Variants in ITPKC observed in about 807,000 individuals in gnomAD.
ITPKC encodes IP3 3-kinase C.
A neutral mutation model predicts 67.1 loss-of-function variants in ITPKC; 33 were observed. That is an observed-to-expected ratio of 0.49 (90% CI 0.37 to 0.66). The LOEUF is 0.66. ITPKC is among the 30% of genes least tolerant of loss of function. The probability of loss-of-function intolerance (pLI) is 0.00; values close to 1 mark genes in which losing one functional copy is unlikely to be tolerated. For missense variants in ITPKC, 820 were observed against 892.1 expected, an observed-to-expected ratio of 0.92 and a Z score of 1.03; for synonymous variants, 341 against 359.8, an observed-to-expected ratio of 0.95 and a Z score of 0.59.
intron 6 of ITPKC, among the ~76,000 whole-genome samples, chr19:40,738,529 G>T (rs2082306178): frequency 6.6e-6 from 1 of 151,996 alleles, no homozygotes; most frequent in South Asian, 2.1e-4. Flanking sequence ...TCCAGCCTGG[G>T]CAACAGAGTG....
In ITPKC at chr19:40,739,679, T is replaced by C. The variant is rs553569272; in HGVS notation, c.*119T>C. ...GCTGGCCTCCAGGGACGGGAGAGAT[T>C]GTGTCATGTGCCACACGAGACCAAC... On this transcript the variant is annotated 3_prime_UTR_variant, in exon 7 of 7. Transcript: ENST00000263370. The C allele has an allele frequency of 5.7e-5, 49 of 858,524 alleles. No individual in the cohort carries two copies. In the African/African-American group the frequency reaches 7.9e-4, roughly 14 times the overall value. The allele number at this position is 858,524 out of a possible 1,614,324, so 53.2% of individuals were successfully genotyped here. A position where few individuals can be genotyped will look rare whatever the true frequency, so the allele number is the denominator to read the frequency against.
chr19:40,737,350 G>A (rs939482564), intron 5 of ITPKC, among the ~76,000 whole-genome samples: 2 of 152,236 alleles, frequency 1.3e-5, no homozygotes, highest in Admixed American at 6.5e-5. Flanking sequence ...GAGGCAGGGG[G>A]CCAAGAGAAC....
At chr19:40,733,760 A>G (rs2082282471) in intron 4 of ITPKC, among the ~76,000 whole-genome samples, 1 of 152,066 alleles carries the variant, frequency 6.6e-6, no homozygotes, top group Non-Finnish European at 1.5e-5. Flanking sequence ...ATTAAATATA[A>G]TTGTATGAAT....
chr19:40,725,523 C>A, intron 2 of ITPKC, 84 bp downstream of exon 2: 1 of 933,314 alleles, frequency 1.1e-6, no homozygotes. Flanking sequence ...GTTCCCCCAC[C>A]TAGTGATGGG....
In ITPKC at chr19:40,721,670, G is replaced by A. The variant is rs899070348; in HGVS notation, c.1155+3380G>A. Among the ~76,000 whole-genome samples the A allele has an allele frequency of 3.3e-5, 5 of 151,712 alleles. 1 individual carries two copies. Among genetic ancestry groups the A allele is most frequent in the Admixed American group, 2.0e-4 (3 of 15,232 alleles). ...AAGCATGAGCCACTGTGCCCGGCCCGGATCTAACATAAAACAGAGAGAGAA... is the reference window on the plus strand; with the variant it reads ...AAGCATGAGCCACTGTGCCCGGCCCAGATCTAACATAAAACAGAGAGAGAA... On this transcript the variant is annotated intron_variant, in intron 1 of 6. Coordinates refer to ENST00000263370, the MANE Select transcript of ITPKC (RefSeq NM_025194.3).
chr19:40,719,759 G>A (rs184678188), intron 1 of ITPKC, among the ~76,000 whole-genome samples: 1 of 152,122 alleles, frequency 6.6e-6, no homozygotes, highest in Non-Finnish European at 1.5e-5. Context: ...CCGAAGTGCT[G>A]GAATTACCAG....
chr19:40,717,134 G>T lies in ITPKC; in HGVS notation c.-2G>T. On this transcript the variant is annotated 5_prime_UTR_variant, in exon 1 of 7. Coordinates refer to ENST00000263370, the MANE Select transcript of ITPKC (RefSeq NM_025194.3). Reference sequence around the variant, plus strand: ...GCCGAAGCCCGAACCGAAGGAGCGGGCATGAGGCGCTGCCCGTGCCGTGGG... The same window carrying T: ...GCCGAAGCCCGAACCGAAGGAGCGGTCATGAGGCGCTGCCCGTGCCGTGGG... The T allele has an allele frequency of 8.2e-7, 1 of 1,225,966 alleles. No individual in the cohort carries two copies. The highest frequency in any genetic ancestry group is 1.0e-6 in the Non-Finnish European group (1 of 984,186). 75.9% of individuals were successfully genotyped at this position (1,225,966 alleles called of 1,614,324 possible).
intron 1 of ITPKC, among the ~76,000 whole-genome samples, chr19:40,722,781 TTTC>T (rs919678792): frequency 6.6e-6 from 1 of 152,116 alleles, no homozygotes; most frequent in African/African-American, 2.4e-5. Context: ...TCTTTCTTTC[TTTC>T]TTATTTTTTT....
chr19:40,727,219 A>G (rs1037996803), intron 2 of ITPKC, among the ~76,000 whole-genome samples: 1 of 152,104 alleles, frequency 6.6e-6, no homozygotes, highest in Non-Finnish European at 1.5e-5. Flanking sequence ...CTGTAATCCC[A>G]GCTACTCGGG....
At chr19:40,721,276 G>A (rs1231811098) in intron 1 of ITPKC, among the ~76,000 whole-genome samples, 1 of 152,016 alleles carries the variant, frequency 6.6e-6, no homozygotes, top group African/African-American at 2.4e-5. Flanking sequence ...CAGGGTATCA[G>A]AGAGGGCTTC....
intron 2 of ITPKC, among the ~76,000 whole-genome samples, chr19:40,727,228 G>C (rs1181253793): frequency 1.3e-5 from 2 of 152,056 alleles, no homozygotes; most frequent in Non-Finnish European, 2.9e-5. Flanking sequence ...CAGCTACTCG[G>C]GAGGCTGAGG....
intron 5 of ITPKC, 114 bp downstream of exon 5, chr19:40,737,201 C>A: frequency 1.3e-6 from 1 of 751,996 alleles, no homozygotes; most frequent in Non-Finnish European, 2.2e-6. Context: ...TACTGGCTGG[C>A]TTTGCTCAGT....
intron 3 of ITPKC, among the ~76,000 whole-genome samples, chr19:40,730,601 T>G: frequency 6.6e-6 from 1 of 152,036 alleles, no homozygotes; most frequent in East Asian, 1.9e-4. Context: ...TTGGCTATAT[T>G]TTATTTTTTA....
chr19:40,733,514 T>C (rs2082281549), intron 4 of ITPKC, 150 bp downstream of exon 4: 1 of 681,666 alleles, frequency 1.5e-6, no homozygotes, highest in East Asian at 2.7e-5. Context: ...CTTACCTCCA[T>C]ACCCATCAGA....
rs1407687971 is a variant in ITPKC at position 40,740,832 on chromosome 19, A to G, written c.*1272A>G. 5.0e-6 allele frequency: 2 copies of G among 396,192 alleles called. No homozygotes were observed. Among genetic ancestry groups the G allele is most frequent in the Non-Finnish European group, 8.9e-6 (2 of 224,938 alleles). The allele number at this position is 396,192 out of a possible 1,614,324, so 24.5% of individuals were successfully genotyped here. A position where few individuals can be genotyped will look rare whatever the true frequency, so the allele number is the denominator to read the frequency against. On this transcript the variant is annotated 3_prime_UTR_variant, in exon 7 of 7. Transcript: ENST00000263370. ...TGCTGAGCCTCCTACCCATGACAAC[A>G]CCCCAATAAACAGAACATTCAGAGC...
At chr19:40,738,022 A>C (rs2082303153) in intron 6 of ITPKC, among the ~76,000 whole-genome samples, 1 of 147,590 alleles carries the variant, frequency 6.8e-6, no homozygotes, top group Non-Finnish European at 1.5e-5. Context: ...GGCCGGGTGC[A>C]GTGGCTCATG....
At chr19:40,723,679 T>G (rs1335243873) in intron 1 of ITPKC, among the ~76,000 whole-genome samples, 1 of 152,022 alleles carries the variant, frequency 6.6e-6, no homozygotes, top group Non-Finnish European at 1.5e-5. Flanking sequence ...GTATTTTTAG[T>G]AGAGGTGGGG....
chr19:40,721,769 G>T (rs970157127), intron 1 of ITPKC, among the ~76,000 whole-genome samples: 1 of 152,124 alleles, frequency 6.6e-6, no homozygotes. Flanking sequence ...GGAGGCTGAG[G>T]TGGGAGGATT....
chr19:40,717,842 A>T lies in ITPKC; in HGVS notation c.707A>T (p.Asp236Val). ...LYTDGSRTQQ[D>V]IEGPWTEPYT... ...ACTGATGGCTCCAGGACACAACAGG[A>T]TATTGAAGGTCCCTGGACAGAGCCA... The change falls in exon 1 of 7, where the codon GAT becomes GTT. Residue 236 changes from aspartate to valine, a missense_variant. Asp to Val is a radical substitution (Grantham distance 152, BLOSUM62 -3). Around this residue, in one of 2 missense-constraint regions of ITPKC, gnomAD observed 481 missense variants for 470.1 expected, o/e 1.02. Transcript: ENST00000263370. 1.9e-6 allele frequency: 3 copies of T among 1,614,038 alleles called. No individual in the cohort carries two copies. Among genetic ancestry groups the T allele is most frequent in the Non-Finnish European group, 2.5e-6 (3 of 1,179,984 alleles).
Sources: gnomAD v4.1 joint callset for allele counts (sites outside exome capture counted in the v4.1 genomes callset) on GRCh38, gnomAD v4.1.1 for gene constraint, gnomAD v4.1.1 regional missense constraint, MANE v1.5 for transcripts, NCBI Gene and HGNC (gene_info 2026-07-23, HGNC 2026-07-21) for gene names.